CUL3: variants seen among roughly 807,000 people sequenced by gnomAD.
The protein encoded by CUL3 is cullin 3, also known as cullin-3.
Under a neutral mutation model 89.1 loss-of-function variants are expected in CUL3, and 19 were observed. That is an observed-to-expected ratio of 0.21 (90% CI 0.15 to 0.31). The LOEUF is 0.31. CUL3 is among the 10% of genes least tolerant of loss of function. The pLI is 1.00. For synonymous variants in CUL3, 351 were observed against 308.4 expected (o/e 1.14, Z -1.45); for missense variants, 469 against 942.3 (o/e 0.50, Z 6.58).
At chr2:224,559,043 A>G (rs1488264064) in intron 1 of CUL3, among the ~76,000 whole-genome samples, 2 of 151,780 alleles carry the variant, frequency 1.3e-5, no homozygotes, top group African/African-American at 2.4e-5. Flanking sequence ...GCAACAGAGC[A>G]AGACTCTGTC....
At chr2:224,574,930 C>A (rs999025677) in intron 1 of CUL3, among the ~76,000 whole-genome samples, 1 of 152,100 alleles carries the variant, frequency 6.6e-6, no homozygotes, top group Non-Finnish European at 1.5e-5. Context: ...AAGACTGAGG[C>A]CTCCTCAAGA....
At chr2:224,499,486 T>G in intron 11 of CUL3, 1 of 238,472 alleles carries the variant, frequency 4.2e-6, no homozygotes, top group East Asian at 1.0e-4. Flanking sequence ...CAGTTGTTTT[T>G]TCAGATCTGG....
intron 6 of CUL3, among the ~76,000 whole-genome samples, chr2:224,509,016 TAATC>T (rs902274640): frequency 6.6e-6 from 1 of 151,326 alleles, no homozygotes; most frequent in Non-Finnish European, 1.5e-5. Context: ...CTGCATCTAA[TAATC>T]AATCCAATTT....
At chr2:224,533,957 T>C (rs1370537679) in intron 3 of CUL3, among the ~76,000 whole-genome samples, 1 of 152,188 alleles carries the variant, frequency 6.6e-6, no homozygotes, top group African/African-American at 2.4e-5. Context: ...TTGGAAATTC[T>C]TCCCAAACAT....
intron 14 of CUL3, chr2:224,478,839 AAT>A (rs1201836018): frequency 6.6e-6 from 1 of 152,352 alleles, no homozygotes; most frequent in African/African-American, 2.4e-5. Flanking sequence ...CAGTGAAATA[AAT>A]AATTTAAAAG....
rs758949132 is a variant in CUL3 at position 224,506,985 on chromosome 2, T to C, written c.902A>G (p.Lys301Arg). ...GKTEDLGCMY[K>R]LFSRVPNGLK... ...ACCATTTGGCACACGACTAAATAAC[T>C]TGTACATGCAACCAAGGTCTACAAA... The change falls in exon 7 of 16, where the codon AAG becomes AGG. Residue 301 changes from lysine (K) to arginine (R), a missense_variant. Lys to Arg is a conservative substitution (Grantham distance 26). Transcript: ENST00000264414. 12 of 1,612,168 alleles carry C rather than the reference T, an allele frequency of 7.4e-6. No homozygotes were observed. Among genetic ancestry groups the C allele is most frequent in the Admixed American group, 1.7e-5 (1 of 59,714 alleles).
intron 1 of CUL3, among the ~76,000 whole-genome samples, chr2:224,568,533 T>C (rs944883679): frequency 1.3e-5 from 2 of 152,222 alleles, no homozygotes; most frequent in Non-Finnish European, 2.9e-5. Flanking sequence ...AGGAAAACGG[T>C]TGAATGTGTT....
At chr2:224,480,719 C>T (rs1487176529) in intron 14 of CUL3, among the ~76,000 whole-genome samples, 3 of 152,110 alleles carry the variant, frequency 2.0e-5, no homozygotes, top group Non-Finnish European at 4.4e-5. Flanking sequence ...ACATATTTTC[C>T]TCTAATTCTA....
intron 3 of CUL3, among the ~76,000 whole-genome samples, chr2:224,534,584 A>G (rs1295099112): frequency 6.6e-6 from 1 of 152,136 alleles, no homozygotes; most frequent in African/African-American, 2.4e-5. Flanking sequence ...GGTTTTTTCC[A>G]TATTTTCCAT....
Position 224,585,290 on chromosome 2 carries a change from A to G in CUL3, c.-281T>C. On this transcript the variant is annotated 5_prime_UTR_variant, in exon 1 of 16. The change abolishes the stop of an existing upstream ORF in the 5' untranslated region. Transcript: ENST00000264414. ...CCTCACGTCCGGCTCGGCTCCCTTT[A>G]TCGCGCTCCTCCGCGATGGCGGCGG... 3 of 398,548 alleles carry G rather than the reference A, an allele frequency of 7.5e-6. No homozygotes were observed. In the East Asian group the frequency reaches 1.1e-4, roughly 14 times the overall value. 24.7% of individuals were successfully genotyped at this position (398,548 alleles called of 1,614,324 possible).
At chr2:224,577,905 G>A (rs550093435) in intron 1 of CUL3, among the ~76,000 whole-genome samples, 7 of 152,298 alleles carry the variant, frequency 4.6e-5, no homozygotes, top group Admixed American at 3.9e-4. Flanking sequence ...GCTCACTTTA[G>A]AGCCAGATTG....
intron 1 of CUL3, among the ~76,000 whole-genome samples, chr2:224,582,023 G>A (rs1184035577): frequency 6.6e-6 from 1 of 151,818 alleles, no homozygotes; most frequent in African/African-American, 2.4e-5. Flanking sequence ...GGAGTGCAAT[G>A]GCGCGATCTC....
At chr2:224,517,534 A>G (rs1403371289) in intron 3 of CUL3, among the ~76,000 whole-genome samples, 1 of 152,126 alleles carries the variant, frequency 6.6e-6, no homozygotes, top group Non-Finnish European at 1.5e-5. Flanking sequence ...TTGGCCAGGC[A>G]TGTTGGTGCG....
intron 3 of CUL3, among the ~76,000 whole-genome samples, chr2:224,523,713 A>G (rs1693354306): frequency 2.0e-5 from 3 of 152,240 alleles, no homozygotes; most frequent in Admixed American, 2.0e-4. Context: ...GTCTACACAT[A>G]GAATGCGGTA....
intron 1 of CUL3, among the ~76,000 whole-genome samples, chr2:224,581,538 T>C (rs530902610): frequency 8.6e-5 from 13 of 151,120 alleles, no homozygotes; most frequent in Admixed American, 7.9e-4. Context: ...AGTCTCACTC[T>C]GTTGCCCAGG....
In CUL3 at chr2:224,518,033, C is replaced by G. The variant is rs60504381; in HGVS notation, c.379-3261G>C. Among the ~76,000 whole-genome samples, 14 of 152,142 alleles carry G rather than the reference C, an allele frequency of 9.2e-5. No homozygotes were observed. In the East Asian group the frequency reaches 2.7e-3, roughly 29 times the overall value. ...AAATACAACAGAACTTCAATAAGCACAAAGTTCAACTGGTAAGTGAAGAAT... is the reference window on the plus strand; with the variant it reads ...AAATACAACAGAACTTCAATAAGCAGAAAGTTCAACTGGTAAGTGAAGAAT... On this transcript the variant is annotated intron_variant, in intron 3 of 15. Transcript: ENST00000264414.
At chr2:224,535,668 G>A (rs750123943) in intron 2 of CUL3, 27 bp from the exon 3 acceptor site, 4 of 1,389,596 alleles carry the variant, frequency 2.9e-6, no homozygotes, top group Middle Eastern at 1.8e-4. Context: ...TCATTAGTTT[G>A]CACACACACA....
Position 224,474,131 on chromosome 2 carries a change from A to C in CUL3, c.*114T>G. 1 of 1,097,968 alleles carries C rather than the reference A, an allele frequency of 9.1e-7. No individual in the cohort carries two copies. Among genetic ancestry groups the C allele is most frequent in the Non-Finnish European group, 1.3e-6 (1 of 772,646 alleles). The allele number at this position is 1,097,968 out of a possible 1,614,324, so 68.0% of individuals were successfully genotyped here. On this transcript the variant is annotated 3_prime_UTR_variant, in exon 16 of 16. Transcript: ENST00000264414. ...AGGCTTGATCTCAATGGTCTAGAAC[A>C]TGTACTGTAATTTAATAGAAGAGAT... is the stretch of plus-strand genomic sequence containing the variant.
intron 15 of CUL3, among the ~76,000 whole-genome samples, chr2:224,476,957 C>G (rs1403507724): frequency 6.6e-6 from 1 of 152,182 alleles, no homozygotes. Context: ...CCATTTCCTT[C>G]TCAAGGCACT....
Sources: gnomAD v4.1 joint callset for allele counts (sites outside exome capture counted in the v4.1 genomes callset) on GRCh38, gnomAD v4.1.1 for gene constraint, MANE v1.5 for transcripts, NCBI Gene and HGNC (gene_info 2026-07-23, HGNC 2026-07-21) for gene names.